Variants in SH3RF3 observed in about 807,000 individuals in gnomAD.
SH3RF3 encodes SH3 domain containing ring finger 3.
In SH3RF3, 29 loss-of-function variants were observed where a neutral mutation model predicts 66.3. The observed-to-expected ratio is 0.44, with a 90% CI of 0.33 to 0.60. The LOEUF (loss-of-function observed/expected upper bound fraction) is 0.60. Among genes scored for constraint, SH3RF3 ranks in the 20% least tolerant of loss-of-function variants. The probability of loss-of-function intolerance (pLI) is 0.04; values close to 1 mark genes in which losing one functional copy is unlikely to be tolerated. For missense variants in SH3RF3, 1,194 were observed against 1,190.9 expected (o/e 1.00, Z -0.04); for synonymous variants, 583 against 532.0 (o/e 1.10, Z -1.32).
chr2:109,472,302 G>A (rs1403891686), intron 8 of SH3RF3, among the ~76,000 whole-genome samples: 1 of 151,946 alleles, frequency 6.6e-6, no homozygotes, highest in Non-Finnish European at 1.5e-5. Flanking sequence ...AGAGGACCCG[G>A]CCAGGGGCCT....
chr2:109,130,075 CG>C lies in SH3RF3; in HGVS notation c.538del (p.Glu180SerfsTer90). On this transcript the variant is annotated frameshift_variant, in exon 1 of 10. Transcript: ENST00000309415. LOFTEE classifies it high-confidence loss of function. ...CGCGGGCAGCACCGCCGGCAGTCTG[CG>C]GGAGCTGGCGACCAGCAGGACCGCG... is the stretch of plus-strand genomic sequence containing the variant. ...AAAGSTAGSL[R>X]ELATSRTAPA... The C allele has an allele frequency of 7.3e-7, 1 of 1,365,302 alleles. No individual in the cohort carries two copies. Among genetic ancestry groups the C allele is most frequent in the Non-Finnish European group, 9.4e-7 (1 of 1,060,196 alleles). The allele number at this position is 1,365,302 out of a possible 1,614,324, so 84.6% of individuals were successfully genotyped here. A position where few individuals can be genotyped will look rare whatever the true frequency, so the allele number is the denominator to read the frequency against.
At chr2:109,152,751 C>G (rs915461380) in intron 1 of SH3RF3, among the ~76,000 whole-genome samples, 1 of 151,616 alleles carries the variant, frequency 6.6e-6, no homozygotes, top group African/African-American at 2.4e-5. Flanking sequence ...GGCAGAGGGG[C>G]GGGGGGGACC....
chr2:109,206,747 T>G (rs2105091137), intron 1 of SH3RF3, among the ~76,000 whole-genome samples: 1 of 151,312 alleles, frequency 6.6e-6, no homozygotes, highest in East Asian at 2.0e-4. Flanking sequence ...GCCCAGGAGT[T>G]CAAGGTTACA....
At chr2:109,201,681 C>T (rs1325579959) in intron 1 of SH3RF3, among the ~76,000 whole-genome samples, 2 of 152,194 alleles carry the variant, frequency 1.3e-5, no homozygotes, top group African/African-American at 4.8e-5. Flanking sequence ...TTCTCCAGCC[C>T]GTCAGCAGCA....
At chr2:109,139,284 C>T (rs1162889919) in intron 1 of SH3RF3, among the ~76,000 whole-genome samples, 3 of 152,068 alleles carry the variant, frequency 2.0e-5, no homozygotes, top group Admixed American at 1.3e-4. Context: ...TTAATGTCGC[C>T]TTAACAAAGA....
chr2:109,411,612 T>C (rs1676592094), intron 4 of SH3RF3, among the ~76,000 whole-genome samples: 1 of 152,170 alleles, frequency 6.6e-6, no homozygotes, highest in Non-Finnish European at 1.5e-5. Context: ...TTTGTACTTT[T>C]AGTTTTCATA....
intron 8 of SH3RF3, among the ~76,000 whole-genome samples, chr2:109,455,373 C>A (rs1299988414): frequency 6.6e-6 from 1 of 152,202 alleles, no homozygotes; most frequent in Non-Finnish European, 1.5e-5. Context: ...CCGACATAAT[C>A]AAGACTGCAA....
chr2:109,237,294 A>G (rs371160468), intron 1 of SH3RF3, among the ~76,000 whole-genome samples: 8 of 152,252 alleles, frequency 5.3e-5, no homozygotes, highest in African/African-American at 1.7e-4. Context: ...ATTTATCTTT[A>G]TCAGAAAACA....
chr2:109,221,902 A>C (rs1476435288), intron 1 of SH3RF3, among the ~76,000 whole-genome samples: 2 of 151,970 alleles, frequency 1.3e-5, no homozygotes, highest in Non-Finnish European at 2.9e-5. Flanking sequence ...GGATACCTGC[A>C]CCCCTGCATT....
chr2:109,301,960 A>C (rs994731064), intron 1 of SH3RF3, among the ~76,000 whole-genome samples: 19 of 152,164 alleles, frequency 1.2e-4, no homozygotes, highest in African/African-American at 3.9e-4. Context: ...CCTCTCCTGC[A>C]TGTCTTCCTG....
chr2:109,337,514 A>C (rs1682451345), intron 1 of SH3RF3, among the ~76,000 whole-genome samples: 1 of 152,008 alleles, frequency 6.6e-6, no homozygotes, highest in African/African-American at 2.4e-5. Context: ...TCCTGGAGGC[A>C]CCCCCGGTCA....
At chr2:109,325,648 C>G (rs1433893544) in intron 1 of SH3RF3, among the ~76,000 whole-genome samples, 2 of 152,188 alleles carry the variant, frequency 1.3e-5, no homozygotes, top group African/African-American at 4.8e-5. Context: ...CTGTTCCATT[C>G]TCAGCACTGA....
chr2:109,429,891 G>A (rs1341294588), intron 5 of SH3RF3, among the ~76,000 whole-genome samples: 1 of 152,206 alleles, frequency 6.6e-6, no homozygotes, highest in Non-Finnish European at 1.5e-5. Context: ...GGAGCCTGCA[G>A]TAGCCTGGAG....
At chr2:109,135,760 TG>T (rs1457873545) in intron 1 of SH3RF3, among the ~76,000 whole-genome samples, 1 of 152,234 alleles carries the variant, frequency 6.6e-6, no homozygotes, top group East Asian at 1.9e-4. Flanking sequence ...CAAGCATTAC[TG>T]GGCATCTATG....
Position 109,394,446 on chromosome 2 carries a change from G to T in SH3RF3, c.946-4144G>T, listed in dbSNP as rs570722648. 2.0e-3 allele frequency among the ~76,000 whole-genome samples: 308 copies of T among 152,306 alleles called. 2 individuals are homozygous for T. The highest frequency in any genetic ancestry group is 1.7e-3 in the Non-Finnish European group (117 of 68,028). ...AGCATCGGACTAGGGGGTGGCCCCT[G>T]CAGAGGGGCCCCAGAACAGGGGCAG... On this transcript the variant is annotated intron_variant, in intron 3 of 9. Coordinates refer to ENST00000309415, the MANE Select transcript of SH3RF3 (RefSeq NM_001099289.3).
intron 8 of SH3RF3, among the ~76,000 whole-genome samples, chr2:109,461,473 G>A (rs1215417738): frequency 3.2e-5 from 3 of 93,624 alleles, no homozygotes; most frequent in East Asian, 3.5e-4. Flanking sequence ...GAGGCCCCAC[G>A]TAGCATCCCT....
intron 1 of SH3RF3, among the ~76,000 whole-genome samples, chr2:109,177,011 T>A (rs1677931560): frequency 2.6e-5 from 4 of 152,110 alleles, no homozygotes; most frequent in Admixed American, 2.6e-4. Flanking sequence ...GTGAGCAGGC[T>A]TTTCCCCAGC....
chr2:109,447,147 TAAAA>T (rs61240132), intron 7 of SH3RF3, among the ~76,000 whole-genome samples: 3,167 of 82,722 alleles, frequency 0.038, 116 homozygotes, highest in African/African-American at 0.11. Flanking sequence ...CCTGAATATT[TAAAA>T]AAAAAAAAAA....
intron 1 of SH3RF3, among the ~76,000 whole-genome samples, chr2:109,327,694 T>C (rs1682190743): frequency 6.6e-6 from 1 of 152,238 alleles, no homozygotes; most frequent in South Asian, 2.1e-4. Context: ...ATGTACATGT[T>C]TGGTTAAATT....
Sources: gnomAD v4.1 joint callset for allele counts (sites outside exome capture counted in the v4.1 genomes callset) on GRCh38, gnomAD v4.1.1 for gene constraint, MANE v1.5 for transcripts, NCBI Gene and HGNC (gene_info 2026-07-23, HGNC 2026-07-21) for gene names.